The following GRIA1 variants were observed in gnomAD, a reference collection of about 807,000 sequenced individuals.
GRIA1 encodes glutamate ionotropic receptor AMPA type subunit 1, also known as glutamate receptor 1.
A neutral mutation model predicts 99.2 loss-of-function variants in GRIA1; 31 were observed. The ratio of observed to expected loss-of-function variants is 0.31; its 90% CI spans 0.23 to 0.42. The LOEUF (loss-of-function observed/expected upper bound fraction) is 0.42, where lower values mean the gene tolerates loss of function less well. Among genes scored for constraint, GRIA1 ranks in the 10% least tolerant of loss-of-function variants. The pLI is 1.00. For missense variants in GRIA1, 782 were observed against 1,157.5 expected (o/e 0.68, Z 4.71); for synonymous variants, 438 against 432.4 (o/e 1.01, Z -0.16).
At chr5:153,517,109 A>T (rs747310546) in intron 2 of GRIA1, among the ~76,000 whole-genome samples, 5 of 152,154 alleles carry the variant, frequency 3.3e-5, no homozygotes, top group Non-Finnish European at 7.4e-5. Flanking sequence ...GCCCTCAGCC[A>T]CGCAGGAAAC....
At chr5:153,506,161 A>G (rs1276689225) in intron 2 of GRIA1, among the ~76,000 whole-genome samples, 1 of 152,188 alleles carries the variant, frequency 6.6e-6, no homozygotes, top group Non-Finnish European at 1.5e-5. Context: ...TGCCAAGACT[A>G]GATGGTCTCA....
At chr5:153,639,282 T>A (rs1753616232) in intron 2 of GRIA1, among the ~76,000 whole-genome samples, 2 of 152,182 alleles carry the variant, frequency 1.3e-5, no homozygotes, top group Admixed American at 1.3e-4. Context: ...ATGCCACACA[T>A]GAAGTGCCGG....
chr5:153,664,498 A>G (rs1299847179), intron 5 of GRIA1, among the ~76,000 whole-genome samples: 1 of 148,606 alleles, frequency 6.7e-6, no homozygotes, highest in African/African-American at 2.5e-5. Context: ...AGCCCTCTTC[A>G]CCCAACCAAA....
intron 11 of GRIA1, among the ~76,000 whole-genome samples, chr5:153,752,422 C>A (rs1259834281): frequency 6.6e-6 from 1 of 152,102 alleles, no homozygotes; most frequent in Non-Finnish European, 1.5e-5. Context: ...TGTCATGTAA[C>A]TAAGATAGTA....
At chr5:153,733,299 T>A (rs374526004) in intron 11 of GRIA1, among the ~76,000 whole-genome samples, 2 of 152,196 alleles carry the variant, frequency 1.3e-5, no homozygotes, top group East Asian at 1.9e-4. Context: ...CTCAAATAGA[T>A]TGTTACAATG....
chr5:153,642,428 T>C (rs1224064047), intron 2 of GRIA1, among the ~76,000 whole-genome samples: 2 of 152,064 alleles, frequency 1.3e-5, no homozygotes, highest in Non-Finnish European at 2.9e-5. Flanking sequence ...TAATTATTAC[T>C]ATCAGAAAGC....
At chr5:153,709,483 A>G (rs1001723398) in intron 11 of GRIA1, among the ~76,000 whole-genome samples, 1 of 152,204 alleles carries the variant, frequency 6.6e-6, no homozygotes, top group Non-Finnish European at 1.5e-5. Context: ...GCTAAGTGTA[A>G]TTGTCTGCAA....
chr5:153,650,896 T>TAAA lies in GRIA1; in HGVS notation c.645+405_645+407dup, dbSNP rs71575151. Reference sequence around the variant, plus strand: ...CAACATGGTGAAACCCTGTCTCCACTAAAAAAAAAAAAAAAAAAAAAAAAA... The same window carrying TAAA: ...CAACATGGTGAAACCCTGTCTCCACTAAAAAAAAAAAAAAAAAAAAAAAAAAAA... On this transcript the variant is annotated intron_variant, in intron 4 of 15. Coordinates refer to ENST00000285900, the MANE Select transcript of GRIA1 (RefSeq NM_000827.4). Among the ~76,000 whole-genome samples the TAAA allele has an allele frequency of 3.4e-3, 240 of 70,100 alleles. 3 individuals carry two copies. The highest frequency in any genetic ancestry group is 0.01 in the Middle Eastern group (1 of 96). 46.0% of individuals were successfully genotyped at this position (70,100 alleles called of 152,430 possible).
intron 11 of GRIA1, among the ~76,000 whole-genome samples, chr5:153,746,986 C>T (rs1200241967): frequency 6.6e-6 from 1 of 152,144 alleles, no homozygotes; most frequent in Non-Finnish European, 1.5e-5. Flanking sequence ...CATTTCAACC[C>T]CCTCACTTGT....
At chr5:153,608,589 G>T (rs571828934) in intron 2 of GRIA1, among the ~76,000 whole-genome samples, 4 of 152,018 alleles carry the variant, frequency 2.6e-5, no homozygotes, top group Non-Finnish European at 5.9e-5. Context: ...AAAATTTTTC[G>T]TGGTTCTTTC....
chr5:153,734,820 G>A (rs1245412027), intron 11 of GRIA1, among the ~76,000 whole-genome samples: 2 of 152,170 alleles, frequency 1.3e-5, no homozygotes, highest in African/African-American at 4.8e-5. Flanking sequence ...CAGGCAGAAG[G>A]AACATGTTTG....
At chr5:153,601,467 G>C (rs902476738) in intron 2 of GRIA1, among the ~76,000 whole-genome samples, 6 of 152,124 alleles carry the variant, frequency 3.9e-5, no homozygotes, top group African/African-American at 1.4e-4. Context: ...CTGACCTTTT[G>C]CTGGGACATG....
intron 11 of GRIA1, among the ~76,000 whole-genome samples, chr5:153,740,189 G>T (rs558008332): frequency 1.3e-5 from 2 of 152,336 alleles, no homozygotes; most frequent in African/African-American, 2.4e-5. Context: ...ATGTATTAGG[G>T]ATTGCAAAGG....
At chr5:153,509,949 A>C (rs1755900917) in intron 2 of GRIA1, among the ~76,000 whole-genome samples, 1 of 152,144 alleles carries the variant, frequency 6.6e-6, no homozygotes, top group Non-Finnish European at 1.5e-5. Flanking sequence ...GAATAAAAAC[A>C]CTCTGGATGG....
intron 2 of GRIA1, among the ~76,000 whole-genome samples, chr5:153,573,550 A>C (rs1406979636): frequency 6.6e-6 from 1 of 152,066 alleles, no homozygotes; most frequent in East Asian, 1.9e-4. Context: ...TCCAGGGGTG[A>C]GGGATCTAGT....
chr5:153,580,331 T>G (rs1762938191), intron 2 of GRIA1, among the ~76,000 whole-genome samples: 1 of 152,228 alleles, frequency 6.6e-6, no homozygotes, highest in Non-Finnish European at 1.5e-5. Context: ...TTGCTCTCCC[T>G]TCAGGGATTT....
chr5:153,571,170 C>G (rs1252487133), intron 2 of GRIA1, among the ~76,000 whole-genome samples: 2 of 152,182 alleles, frequency 1.3e-5, no homozygotes, highest in African/African-American at 4.8e-5. Flanking sequence ...ATGCCAGCAG[C>G]AAACCAACCT....
intron 5 of GRIA1, among the ~76,000 whole-genome samples, chr5:153,661,662 CAATGAATGAATGAATG>C (rs376904338): frequency 6.6e-6 from 1 of 151,794 alleles, no homozygotes; most frequent in Non-Finnish European, 1.5e-5. Context: ...TTTAAAAAGT[CAATGAATGAATGAATG>C]AATGAATGAA....
chr5:153,794,963 C>G (rs1765555603), intron 14 of GRIA1, among the ~76,000 whole-genome samples: 1 of 152,194 alleles, frequency 6.6e-6, no homozygotes, highest in African/African-American at 2.4e-5. Flanking sequence ...AGGACCCCAG[C>G]ATCTGCTCTG....
Sources: allele counts gnomAD v4.1 joint callset (sites outside exome capture counted in the v4.1 genomes callset), GRCh38; gene constraint gnomAD v4.1.1; transcripts MANE v1.5; gene names NCBI Gene and HGNC (gene_info 2026-07-23, HGNC 2026-07-21).